Variants in CIB1 observed in about 807,000 individuals in gnomAD.
CIB1 encodes calcium and integrin binding 1.
A neutral mutation model predicts 25.0 loss-of-function variants in CIB1; 19 were observed. The ratio of observed to expected loss-of-function variants is 0.76; its 90% confidence interval spans 0.53 to 1.12. The LOEUF (loss-of-function observed/expected upper bound fraction) is 1.12. Ranked by LOEUF, CIB1 falls within the 50% of genes most tolerant of loss-of-function variation. CIB1 has a pLI of 0.00. For synonymous variants in CIB1, 104 were observed against 98.5 expected, an observed-to-expected ratio of 1.06 and a Z score of -0.33; for missense variants, 236 against 242.6, an observed-to-expected ratio of 0.97 and a Z score of 0.18.
At chr15:90,253,440 G>C in the CIB1 span, 1 of 1,125,628 alleles carries the variant, frequency 8.9e-7, no homozygotes, top group Non-Finnish European at 1.3e-6. Context: ...CCTTGCCCAG[G>C]CACCCAAGAC....
At chr15:90,264,547 G>C in the CIB1 span, among the ~76,000 whole-genome samples, 37 of 152,264 alleles carry the variant, frequency 2.4e-4, no homozygotes, top group Middle Eastern at 3.4e-3. Context: ...AGAGGTAATA[G>C]GAACATGGAC....
chr15:90,241,812 C>T, the CIB1 span: 1 of 1,614,246 alleles, frequency 6.2e-7, no homozygotes, highest in Non-Finnish European at 8.5e-7. Context: ...AAAGACATCA[C>T]CTTCCTCAGC....
At chr15:90,241,047 G>A in the CIB1 span, 1 of 1,614,150 alleles carries the variant, frequency 6.2e-7, no homozygotes, top group Non-Finnish European at 8.5e-7. Context: ...GCCAAGGAAT[G>A]CACCTGGCAT....
the CIB1 span, chr15:90,242,155 C>A: frequency 9.0e-7 from 1 of 1,107,354 alleles, no homozygotes; most frequent in Non-Finnish European, 1.3e-6. Flanking sequence ...TGGTATGATC[C>A]TGGCTCACTG....
chr15:90,260,963 C>G, the CIB1 span, among the ~76,000 whole-genome samples: 1 of 152,044 alleles, frequency 6.6e-6, no homozygotes, highest in Non-Finnish European at 1.5e-5. Flanking sequence ...GAGGTCCTGC[C>G]TCAGATTCAT....
rs574325000 is a variant in CIB1, at chr15:90,231,558, G to A, written c.196-51C>T. The A allele has an allele frequency of 1.2e-5, 19 of 1,589,402 alleles. 1 individual carries two copies. In the South Asian group the frequency reaches 1.5e-4, roughly 12 times the overall value. On this transcript the variant is annotated intron_variant, in intron 3 of 6. Coordinates refer to ENST00000328649, the MANE Select transcript of CIB1 (RefSeq NM_006384.4). ...TGGCCCAGGTCACACGCTCATTAAA[G>A]CCTACCAGAAACTTGAGAGAGCAGG... is the stretch of plus-strand genomic sequence containing the variant.
chr15:90,265,567 G>C, the CIB1 span: 3 of 1,386,142 alleles, frequency 2.2e-6, no homozygotes, highest in South Asian at 2.8e-5. Context: ...ACTGAGCAGC[G>C]TGAGCCCAGA....
At chr15:90,241,379 C>G in the CIB1 span, 1 of 1,614,072 alleles carries the variant, frequency 6.2e-7, no homozygotes, top group African/African-American at 1.3e-5. Context: ...TGGTGGTGAT[C>G]AACGTCAGCC....
At chr15:90,252,056 T>TTTTTTTTTTTTG in the CIB1 span, among the ~76,000 whole-genome samples, 1 of 151,184 alleles carries the variant, frequency 6.6e-6, no homozygotes, top group African/African-American at 2.4e-5. Flanking sequence ...TTTTTTTTTT[T>TTTTTTTTTTTTG]GAGACCGAGT....
chr15:90,264,835 C>G, the CIB1 span: 1 of 1,536,064 alleles, frequency 6.5e-7, no homozygotes, highest in Non-Finnish European at 8.7e-7. Context: ...TGGCATCTGA[C>G]TCATGGACTG....
chr15:90,259,049 A>G, the CIB1 span: 5 of 1,538,630 alleles, frequency 3.2e-6, no homozygotes, highest in Non-Finnish European at 4.4e-6. Context: ...TGCATAGATA[A>G]TATGTTCATA....
At chr15:90,257,112 T>C in the CIB1 span, 1 of 1,603,372 alleles carries the variant, frequency 6.2e-7, no homozygotes, top group Non-Finnish European at 8.5e-7. Context: ...GTGTTATTAT[T>C]CCCTCATGGG....
the CIB1 span, among the ~76,000 whole-genome samples, chr15:90,256,591 TTCTTTC>T: frequency 5.2e-5 from 2 of 38,624 alleles, no homozygotes; most frequent in African/African-American, 1.1e-4. Context: ...CTTTCTTTCT[TTCTTTC>T]TTTCTTTCTT....
At chr15:90,265,292 G>C in the CIB1 span, 1 of 1,224,438 alleles carries the variant, frequency 8.2e-7, no homozygotes, top group Non-Finnish European at 1.0e-6. Context: ...CCATCCAGGA[G>C]ACAATGAGCC....
the CIB1 span, chr15:90,258,856 G>T: frequency 6.2e-7 from 1 of 1,614,212 alleles, no homozygotes. Flanking sequence ...ACAAAAGGAA[G>T]GTGATGGAGG....
chr15:90,236,464 G>T (rs1261416840), upstream of CIB1, among the ~76,000 whole-genome samples: 3 of 152,168 alleles, frequency 2.0e-5, no homozygotes, highest in Non-Finnish European at 4.4e-5. Flanking sequence ...TTTTCATTTT[G>T]CTTCCTGATT....
At chr15:90,253,660 TAGGGA>T in the CIB1 span, among the ~76,000 whole-genome samples, 11 of 152,232 alleles carry the variant, frequency 7.2e-5, no homozygotes, top group Admixed American at 7.2e-4. Flanking sequence ...GAGCACATCT[TAGGGA>T]GAATACTGGG....
At chr15:90,255,494 T>C in the CIB1 span, among the ~76,000 whole-genome samples, 13 of 152,338 alleles carry the variant, frequency 8.5e-5, no homozygotes, top group South Asian at 1.4e-3. Context: ...GCCACAGTCT[T>C]GGCTAGTTAC....
the CIB1 span, among the ~76,000 whole-genome samples, chr15:90,264,349 C>T: frequency 6.6e-6 from 1 of 152,170 alleles, no homozygotes; most frequent in South Asian, 2.1e-4. Context: ...CACCACCATG[C>T]TCGGCTAACT....
Sources: gnomAD v4.1 joint callset for allele counts (sites outside exome capture counted in the v4.1 genomes callset) on GRCh38, gnomAD v4.1.1 for gene constraint, MANE v1.5 for transcripts, NCBI Gene and HGNC (gene_info 2026-07-23, HGNC 2026-07-21) for gene names.